EPM2A: variants seen among roughly 807,000 people sequenced by gnomAD.
EPM2A encodes EPM2A glucan phosphatase, laforin, also known as laforin.
A neutral mutation model predicts 26.5 loss-of-function variants in EPM2A; 21 were observed. That is an observed-to-expected ratio of 0.79 (90% CI 0.56 to 1.14). The LOEUF is 1.14. EPM2A is among the 50% of genes most tolerant of loss of function. EPM2A has a pLI of 0.00. For missense variants in EPM2A, 458 were observed against 440.8 expected, an observed-to-expected ratio of 1.04 and a Z score of -0.35; for synonymous variants, 217 against 177.6, an observed-to-expected ratio of 1.22 and a Z score of -1.76.
chr6:145,557,815 G>A (rs568788327), intron 2 of EPM2A, among the ~76,000 whole-genome samples: 4 of 152,080 alleles, frequency 2.6e-5, no homozygotes, highest in Admixed American at 6.6e-5. Context: ...TCATCATGTT[G>A]TACAATAGAT....
intron 2 of EPM2A, among the ~76,000 whole-genome samples, chr6:145,552,043 T>A (rs1305061950): frequency 6.6e-6 from 1 of 151,304 alleles, no homozygotes; most frequent in Non-Finnish European, 1.5e-5. Flanking sequence ...GAATACAGAA[T>A]CAGATAACTA....
intron 1 of EPM2A, chr6:145,705,881 TG>T: frequency 2.2e-6 from 1 of 456,702 alleles, no homozygotes; most frequent in South Asian, 1.5e-5. Context: ...TCGCCTGCCA[TG>T]CTCCAACATT....
chr6:145,629,246 G>C (rs1048211447), intron 3 of EPM2A: 1 of 152,194 alleles, frequency 6.6e-6, no homozygotes, highest in Non-Finnish European at 1.5e-5. Context: ...TTCCCTGCCT[G>C]GTCCCCAAGG....
At chr6:145,673,844 T>A (rs1266877180) in intron 2 of EPM2A, among the ~76,000 whole-genome samples, 1 of 152,104 alleles carries the variant, frequency 6.6e-6, no homozygotes, top group Non-Finnish European at 1.5e-5. Context: ...TCCACCTCTG[T>A]GGGCAGGACA....
intron 4 of EPM2A, among the ~76,000 whole-genome samples, chr6:145,476,101 A>G (rs900607923): frequency 6.6e-6 from 1 of 152,162 alleles, no homozygotes; most frequent in African/African-American, 2.4e-5. Flanking sequence ...AATTGAAACC[A>G]AAACAGAGCA....
intron 2 of EPM2A, among the ~76,000 whole-genome samples, chr6:145,524,028 G>C (rs1406111716): frequency 6.6e-6 from 1 of 152,108 alleles, no homozygotes; most frequent in East Asian, 1.9e-4. Context: ...ATTTACAAAT[G>C]AGAACATGTG....
In EPM2A at chr6:145,491,855, T is replaced by C. The variant is rs938565150; in HGVS notation, c.555+10667A>G. Reference sequence around the variant, plus strand: ...GTGAACTGAATTAAATTACAAAAGGTCATTTTACCAACAACTTCTATCTCC... The same window carrying C: ...GTGAACTGAATTAAATTACAAAAGGCCATTTTACCAACAACTTCTATCTCC... On this transcript the variant is annotated intron_variant, in intron 4 of 4. Transcript: ENST00000638717. 2.3e-5 allele frequency: 12 copies of C among 516,668 alleles called. No homozygotes were observed. The African/African-American group carries it at 2.4e-4, about 10-fold the overall frequency. The allele number at this position is 516,668 out of a possible 1,614,324, so 32.0% of individuals were successfully genotyped here.
intron 4 of EPM2A, among the ~76,000 whole-genome samples, chr6:145,402,564 T>C (rs1309243262): frequency 6.6e-6 from 1 of 152,136 alleles, no homozygotes; most frequent in Non-Finnish European, 1.5e-5. Context: ...TTGGTAATTA[T>C]AGTCTGATTA....
At chr6:145,466,595 C>G (rs368843192) in intron 4 of EPM2A, among the ~76,000 whole-genome samples, 10,229 of 151,230 alleles carry the variant, frequency 0.068, 1,018 homozygotes, top group African/African-American at 0.22. Context: ...CGATTCCTCA[C>G]GGATCTAGAA....
chr6:145,583,256 T>A (rs987525137), intron 2 of EPM2A, among the ~76,000 whole-genome samples: 1 of 152,166 alleles, frequency 6.6e-6, no homozygotes, highest in Non-Finnish European at 1.5e-5. Context: ...CCAGATTTCT[T>A]GCATTAGTTC....
At chr6:145,502,441 C>T in intron 3 of EPM2A, 1 of 459,670 alleles carries the variant, frequency 2.2e-6, no homozygotes, top group South Asian at 1.6e-5. Context: ...TGCACAGCCC[C>T]CAAATATATG....
intron 2 of EPM2A, among the ~76,000 whole-genome samples, chr6:145,533,613 G>A (rs1780391610): frequency 6.6e-6 from 1 of 152,068 alleles, no homozygotes; most frequent in Non-Finnish European, 1.5e-5. Context: ...CTTGTTTGGG[G>A]AAAATTTGAA....
chr6:145,454,561 A>G (rs1020918177), intron 4 of EPM2A, among the ~76,000 whole-genome samples: 1 of 152,204 alleles, frequency 6.6e-6, no homozygotes, highest in African/African-American at 2.4e-5. Flanking sequence ...ACTCCCAATA[A>G]AAGTAAGAAT....
chr6:145,722,933 C>T (rs1776016429), intron 1 of EPM2A, among the ~76,000 whole-genome samples: 1 of 152,092 alleles, frequency 6.6e-6, no homozygotes, highest in Non-Finnish European at 1.5e-5. Flanking sequence ...CTGACGGCAC[C>T]TTCATTTTGG....
chr6:145,417,032 C>T (rs1444205460), intron 4 of EPM2A, among the ~76,000 whole-genome samples: 1 of 152,114 alleles, frequency 6.6e-6, no homozygotes, highest in African/African-American at 2.4e-5. Context: ...GCTGAAATCT[C>T]CCTCATAGCT....
At chr6:145,501,628 C>G (rs1177416322) in exon 4 of EPM2A, 2 of 363,940 alleles carry the variant, frequency 5.5e-6, no homozygotes, top group Admixed American at 7.1e-5. Flanking sequence ...TCAGAGCATG[C>G]CTATTATTAC....
At chr6:145,386,688 A>G (rs1251991276) in intron 4 of EPM2A, among the ~76,000 whole-genome samples, 4 of 152,234 alleles carry the variant, frequency 2.6e-5, no homozygotes, top group Non-Finnish European at 4.4e-5. Context: ...ATAAAAGGCC[A>G]TATTCTGATG....
At chr6:145,469,502 A>G (rs558384964) in intron 4 of EPM2A, among the ~76,000 whole-genome samples, 46 of 152,268 alleles carry the variant, frequency 3.0e-4, no homozygotes, top group Admixed American at 3.0e-3. Flanking sequence ...AAAATGGCTT[A>G]TATCCAAAAG....
chr6:145,723,121 T>C (rs1193192556), intron 1 of EPM2A, among the ~76,000 whole-genome samples: 4 of 152,204 alleles, frequency 2.6e-5, no homozygotes, highest in African/African-American at 9.6e-5. Context: ...TCAAAATTTT[T>C]ATATCAAATA....
Sources: gnomAD v4.1 joint callset for allele counts (sites outside exome capture counted in the v4.1 genomes callset) on GRCh38, gnomAD v4.1.1 for gene constraint, MANE v1.5 for transcripts, NCBI Gene and HGNC (gene_info 2026-07-23, HGNC 2026-07-21) for gene names.